Variants in RANBP2 observed in about 807,000 individuals in gnomAD.
The protein encoded by RANBP2 is E3 SUMO-protein ligase RanBP2.
In RANBP2, 57 loss-of-function variants were observed where a neutral mutation model predicts 303.6. The observed-to-expected ratio is 0.19, with a 90% CI of 0.15 to 0.23. The LOEUF is 0.23. Ranked by LOEUF, RANBP2 falls within the 10% of genes least tolerant of loss-of-function variation. RANBP2 has a pLI of 1.00. For synonymous variants in RANBP2, 1,167 were observed against 1,301.5 expected (o/e 0.90, Z 2.23); for missense variants, 3,138 against 3,780.8 (o/e 0.83, Z 4.46).
chr2:109,358,022 C>A, the RANBP2 span, among the ~76,000 whole-genome samples: 2 of 152,166 alleles, frequency 1.3e-5, no homozygotes, highest in African/African-American at 4.8e-5. Context: ...GGTTCACTGC[C>A]CTGAAAATCC....
At chr2:109,248,073 A>G in the RANBP2 span, among the ~76,000 whole-genome samples, 1 of 152,256 alleles carries the variant, frequency 6.6e-6, no homozygotes, top group Non-Finnish European at 1.5e-5. Flanking sequence ...TCCAGGGAAC[A>G]TGAATCAATT....
At chr2:108,826,564 A>C in the RANBP2 span, among the ~76,000 whole-genome samples, 1 of 152,198 alleles carries the variant, frequency 6.6e-6, no homozygotes, top group East Asian at 1.9e-4. Flanking sequence ...ATACAGTGTA[A>C]ATAAGAGGGT....
chr2:109,672,648 TACTTTAAAGAA>T, the RANBP2 span, among the ~76,000 whole-genome samples: 1 of 152,236 alleles, frequency 6.6e-6, no homozygotes, highest in African/African-American at 2.4e-5. Context: ...TTTTATTGAC[TACTTTAAAGAA>T]ACAAGTAATC....
the RANBP2 span, among the ~76,000 whole-genome samples, chr2:108,822,087 G>A: frequency 1.3e-5 from 2 of 152,126 alleles, no homozygotes; most frequent in South Asian, 2.1e-4. Flanking sequence ...CTAAAGGCAC[G>A]TATCAGCTGA....
At chr2:109,716,161 G>T in the RANBP2 span, among the ~76,000 whole-genome samples, 1 of 151,872 alleles carries the variant, frequency 6.6e-6, no homozygotes, top group Non-Finnish European at 1.5e-5. Context: ...AGTAGGTAGG[G>T]GAATAGTCAA....
chr2:109,130,473 C>T, the RANBP2 span, among the ~76,000 whole-genome samples: 2 of 152,230 alleles, frequency 1.3e-5, no homozygotes, highest in Non-Finnish European at 2.9e-5. Context: ...TCCCTCTGCA[C>T]ACCCTGGGCC....
At chr2:108,934,641 A>G in the RANBP2 span, among the ~76,000 whole-genome samples, 1 of 152,280 alleles carries the variant, frequency 6.6e-6, no homozygotes, top group Admixed American at 6.5e-5. Context: ...TTTCCATGTC[A>G]TAATATGGCA....
the RANBP2 span, among the ~76,000 whole-genome samples, chr2:109,250,435 A>C: frequency 2.6e-3 from 400 of 152,118 alleles, 2 homozygotes; most frequent in African/African-American, 9.2e-3. Flanking sequence ...CAATCATCAT[A>C]ATAAATTTTG....
At chr2:109,643,758 C>G in the RANBP2 span, among the ~76,000 whole-genome samples, 5 of 150,688 alleles carry the variant, frequency 3.3e-5, no homozygotes, top group Non-Finnish European at 7.4e-5. Flanking sequence ...GAGTGAGACT[C>G]CCTCTCAAAA....
chr2:109,739,383 C>A, the RANBP2 span, among the ~76,000 whole-genome samples: 2 of 150,242 alleles, frequency 1.3e-5, no homozygotes, highest in South Asian at 2.1e-4. Context: ...TGTGGAATAT[C>A]TTTCCATTTT....
the RANBP2 span, among the ~76,000 whole-genome samples, chr2:109,592,412 C>T: frequency 6.6e-6 from 1 of 151,850 alleles, no homozygotes; most frequent in East Asian, 1.9e-4. Flanking sequence ...TTGCAGTAAG[C>T]TGAGATTGCA....
In RANBP2 at chr2:108,719,771, CCTGGCGCGCTCTGTTGAGGCGCCGGCCGG is replaced by C. The variant is rs112136865; in HGVS notation, c.72+101_72+129del. ...TCATGGCTCCCGACGGGCGCTGCTC[CCTGGCGCGCTCTGTTGAGGCGCCGGCCGG>C]CTGGCGCAGTCCTGTGGGCGGCGTG... On this transcript the variant is annotated intron_variant, in intron 1 of 28. Coordinates refer to ENST00000283195, the MANE Select transcript of RANBP2 (RefSeq NM_006267.5). 371 of 1,535,258 alleles carry C rather than the reference CCTGGCGCGCTCTGTTGAGGCGCCGGCCGG, an allele frequency of 2.4e-4. 2 individuals carry two copies. The African/African-American group carries it at 3.9e-3, about 16-fold the overall frequency.
the RANBP2 span, among the ~76,000 whole-genome samples, chr2:108,981,845 T>C: frequency 6.6e-6 from 1 of 152,148 alleles, no homozygotes; most frequent in Admixed American, 6.5e-5. Flanking sequence ...GAAGCAGTGA[T>C]GATTGTCTCT....
chr2:108,777,048 A>G, intron 24 of RANBP2, 82 bp from the exon 25 acceptor site: 8 of 1,160,262 alleles, frequency 6.9e-6, no homozygotes, highest in South Asian at 6.3e-5. Flanking sequence ...ACAAGTCTCT[A>G]CTGTTCTCTC....
chr2:109,316,024 C>A, the RANBP2 span, among the ~76,000 whole-genome samples: 1 of 152,130 alleles, frequency 6.6e-6, no homozygotes, highest in South Asian at 2.1e-4. Flanking sequence ...GCTTTTTTCA[C>A]CCAAATTGCA....
the RANBP2 span, among the ~76,000 whole-genome samples, chr2:109,095,649 A>G: frequency 6.6e-6 from 1 of 152,174 alleles, no homozygotes; most frequent in African/African-American, 2.4e-5. Flanking sequence ...GGGGGCCATA[A>G]TTGGGGCCCA....
downstream of RANBP2, among the ~76,000 whole-genome samples, chr2:108,787,269 A>G (rs980463158): frequency 2.6e-5 from 4 of 152,262 alleles, no homozygotes; most frequent in African/African-American, 4.8e-5. Context: ...GACTTACTCA[A>G]AAGTTGCTGC....
chr2:109,602,029 GAAGGATTCAAGTTGT>G, the RANBP2 span, among the ~76,000 whole-genome samples: 4 of 152,184 alleles, frequency 2.6e-5, no homozygotes, highest in African/African-American at 9.7e-5. Flanking sequence ...GGAAATGACT[GAAGGATTCAAGTTGT>G]CTAACAGAGA....
chr2:108,856,712 C>A, the RANBP2 span: 1 of 1,279,970 alleles, frequency 7.8e-7, no homozygotes, highest in African/African-American at 1.5e-5. Flanking sequence ...GTTAAAGTAA[C>A]GACATTGCTT....
Sources: allele counts gnomAD v4.1 joint callset (sites outside exome capture counted in the v4.1 genomes callset), GRCh38; gene constraint gnomAD v4.1.1; transcripts MANE v1.5; gene names NCBI Gene and HGNC (gene_info 2026-07-23, HGNC 2026-07-21).